The following DCC variants were observed in gnomAD, a reference collection of about 807,000 sequenced individuals.
DCC encodes DCC netrin 1 receptor, also known as netrin receptor DCC.
Under a neutral mutation model 172.5 loss-of-function variants are expected in DCC, and 58 were observed. The observed-to-expected ratio is 0.34, with a 90% confidence interval of 0.27 to 0.42. The LOEUF is 0.42. DCC is among the 10% of genes least tolerant of loss of function. The pLI, the probability that DCC is intolerant of heterozygous loss-of-function variation, is 1.00. For missense variants in DCC, 1,740 were observed against 1,791.0 expected, an observed-to-expected ratio of 0.97 and a Z score of 0.51; for synonymous variants, 709 against 644.5, an observed-to-expected ratio of 1.10 and a Z score of -1.52.
intron 2 of DCC, among the ~76,000 whole-genome samples, chr18:52,807,485 A>G (rs2038110209): frequency 1.3e-5 from 2 of 152,210 alleles, no homozygotes; most frequent in African/African-American, 2.4e-5. Flanking sequence ...TCAAACATAC[A>G]TACTTGATTG....
intron 27 of DCC, among the ~76,000 whole-genome samples, chr18:53,504,531 TCTC>T (rs894025550): frequency 2.6e-5 from 4 of 152,188 alleles, no homozygotes; most frequent in Non-Finnish European, 5.9e-5. Context: ...TTGGTAGACA[TCTC>T]CTTGAAATTT....
chr18:52,493,240 C>T (rs2030594372), intron 1 of DCC, among the ~76,000 whole-genome samples: 1 of 151,994 alleles, frequency 6.6e-6, no homozygotes, highest in African/African-American at 2.4e-5. Context: ...AGGGCTAGCA[C>T]CTTACATTTA....
intron 5 of DCC, among the ~76,000 whole-genome samples, chr18:53,042,207 A>C (rs762087667): frequency 3.3e-5 from 5 of 152,040 alleles, no homozygotes; most frequent in Non-Finnish European, 5.9e-5. Context: ...GAGTGTTTTT[A>C]GCATGAAGGG....
At chr18:53,008,727 A>C (rs1305327441) in intron 5 of DCC, among the ~76,000 whole-genome samples, 1 of 150,624 alleles carries the variant, frequency 6.6e-6, no homozygotes, top group Non-Finnish European at 1.5e-5. Context: ...TCTTAATAGA[A>C]ATTGTAAAAT....
intron 5 of DCC, among the ~76,000 whole-genome samples, chr18:52,955,788 C>A (rs2040733101): frequency 6.6e-6 from 1 of 151,884 alleles, no homozygotes; most frequent in African/African-American, 2.4e-5. Flanking sequence ...ATTTTTAATT[C>A]TCAAATAACA....
intron 2 of DCC, among the ~76,000 whole-genome samples, chr18:52,789,442 C>A (rs147381161): frequency 7.4e-4 from 112 of 152,144 alleles, no homozygotes; most frequent in African/African-American, 2.6e-3. Flanking sequence ...CAAGAAGAGA[C>A]AAACATAAAG....
At chr18:52,430,646 G>C (rs1039456632) in intron 1 of DCC, among the ~76,000 whole-genome samples, 1 of 152,150 alleles carries the variant, frequency 6.6e-6, no homozygotes, top group African/African-American at 2.4e-5. Context: ...AAATGACAAA[G>C]AGGAGCTGTG....
intron 1 of DCC, among the ~76,000 whole-genome samples, chr18:52,717,564 G>A (rs976752557): frequency 6.6e-6 from 1 of 150,772 alleles, no homozygotes; most frequent in African/African-American, 2.4e-5. Context: ...GAAAACACAA[G>A]CAGTGAACAG....
At position 53,305,585 on chromosome 18, in the gene DCC, A is replaced by C. The variant is rs34573287; in HGVS notation, c.1919A>C (p.Lys640Thr). ...SLEVVNSRSIKVSWLPPPSGT... is the reference protein window; with the variant it reads ...SLEVVNSRSITVSWLPPPSGT... ...ACACCTATTATTTTACAGAGTATCA[A>C]AGTTAGCTGGCTGCCTCCTCCATCA... The change falls in exon 13 of 29, where the codon AAA becomes ACA. Residue 640 changes from lysine to threonine, a missense_variant. Around this residue, in one of 2 missense-constraint regions of DCC, gnomAD observed 1,732 missense variants for 1,767.4 expected, o/e 0.98. Transcript: ENST00000442544. 67 of 1,612,184 alleles carry C rather than the reference A, an allele frequency of 4.2e-5. No individual in the cohort carries two copies. The African/African-American group carries it at 6.7e-4, about 16-fold the overall frequency.
chr18:53,401,483 A>G (rs1009941765), intron 18 of DCC, among the ~76,000 whole-genome samples: 1 of 152,198 alleles, frequency 6.6e-6, no homozygotes, highest in South Asian at 2.1e-4. Context: ...TGTCTCCTCT[A>G]TTTGGCTCAT....
At chr18:53,026,228 A>T (rs1223982137) in intron 5 of DCC, among the ~76,000 whole-genome samples, 1 of 152,062 alleles carries the variant, frequency 6.6e-6, no homozygotes, top group African/African-American at 2.4e-5. Context: ...AATTTAGAAA[A>T]TTGGGTGAAA....
intron 9 of DCC, among the ~76,000 whole-genome samples, chr18:53,188,419 G>A (rs184977727): frequency 1.3e-4 from 20 of 152,304 alleles, no homozygotes; most frequent in African/African-American, 4.8e-4. Flanking sequence ...TGTTTTTGGG[G>A]AAGTCAGTTA....
chr18:53,209,484 C>T (rs555875248), intron 11 of DCC, among the ~76,000 whole-genome samples: 1 of 152,154 alleles, frequency 6.6e-6, no homozygotes, highest in East Asian at 1.9e-4. Context: ...GATTTCTTGA[C>T]AGATCTATCA....
chr18:52,356,892 C>T (rs1163082356), intron 1 of DCC, among the ~76,000 whole-genome samples: 2 of 152,080 alleles, frequency 1.3e-5, no homozygotes, highest in African/African-American at 4.8e-5. Flanking sequence ...AAGCAATTCT[C>T]CTGCCTCAGC....
chr18:52,466,281 G>C (rs1056058516), intron 1 of DCC, among the ~76,000 whole-genome samples: 1 of 152,170 alleles, frequency 6.6e-6, no homozygotes, highest in Non-Finnish European at 1.5e-5. Context: ...TATGTCCATG[G>C]TGGGTCTAAC....
At chr18:52,979,109 T>C (rs2041166983) in intron 5 of DCC, among the ~76,000 whole-genome samples, 2 of 152,158 alleles carry the variant, frequency 1.3e-5, no homozygotes, top group Non-Finnish European at 2.9e-5. Context: ...AATAAGGTGG[T>C]ACTTGAGGGT....
chr18:53,489,954 G>A (rs1304123727), intron 26 of DCC, among the ~76,000 whole-genome samples: 1 of 152,010 alleles, frequency 6.6e-6, no homozygotes. Flanking sequence ...GATAGTCTTG[G>A]GGCCTCATTT....
At chr18:52,754,183 T>C (rs2037041260) in intron 2 of DCC, 1 of 152,210 alleles carries the variant, frequency 6.6e-6, no homozygotes, top group Non-Finnish European at 1.5e-5. Flanking sequence ...TGCACTCTCC[T>C]AGTGAGGGTC....
chr18:53,345,626 C>G (rs1238972839), intron 15 of DCC, among the ~76,000 whole-genome samples: 1 of 152,162 alleles, frequency 6.6e-6, no homozygotes, highest in Admixed American at 6.5e-5. Context: ...GATTGAAAAT[C>G]TTCCTTTACC....
Sources: allele counts gnomAD v4.1 joint callset (sites outside exome capture counted in the v4.1 genomes callset), GRCh38; gene constraint gnomAD v4.1.1; regional missense constraint gnomAD v4.1.1; transcripts MANE v1.5; gene names NCBI Gene and HGNC (gene_info 2026-07-23, HGNC 2026-07-21).